Variants in TSC2 observed in about 807,000 individuals in gnomAD.
TSC2 encodes TSC complex subunit 2.
TSC2 carries 29 observed loss-of-function variants against 202.2 expected under a neutral mutation model. The observed-to-expected ratio is 0.14, with a 90% CI of 0.11 to 0.20. The LOEUF is 0.20. TSC2 is among the 10% of genes least tolerant of loss of function. The pLI is 1.00. For missense variants in TSC2, 2,429 were observed against 2,420.0 expected (o/e 1.00, Z -0.08); for synonymous variants, 1,349 against 1,044.0 (o/e 1.29, Z -5.63).
At chr16:2,083,275 G>A (rs1447641830) in intron 32 of TSC2, 7 of 459,848 alleles carry the variant, frequency 1.5e-5, no homozygotes, top group Non-Finnish European at 3.1e-5. Flanking sequence ...GCTCTTGGGA[G>A]CAGTCTGTTT....
At position 2,061,905 on chromosome 16, in the gene TSC2, A is replaced by G. The variant is rs757353933; in HGVS notation, c.1154A>G (p.His385Arg). Residue 385 changes from histidine (H) to arginine (R), a missense_variant, in exon 12 of 42, where the codon CAT (histidine) becomes CGT (arginine). By Grantham distance (29) the His-to-Arg change is conservative (BLOSUM62 0). Transcript: ENST00000219476. ...AGCCCGGAGCTCAGGACCATCGTCCATGACCTGTTGACCACGGTGGAGGAG... is the reference window on the plus strand; with the variant it reads ...AGCCCGGAGCTCAGGACCATCGTCCGTGACCTGTTGACCACGGTGGAGGAG... Reference protein sequence around the residue: ...LDSPELRTIVHDLLTTVEELC... With the variant: ...LDSPELRTIVRDLLTTVEELC... The G allele has an allele frequency of 5.6e-6, 9 of 1,614,218 alleles. No individual in the cohort carries two copies. Among genetic ancestry groups the G allele is most frequent in the Non-Finnish European group, 5.9e-6 (7 of 1,180,036 alleles).
chr16:2,050,599 T>A, intron 3 of TSC2, 113 bp downstream of exon 3: 52 of 151,692 alleles, frequency 3.4e-4, no homozygotes, highest in Non-Finnish European at 5.8e-4. Flanking sequence ...TGGTTTGCAC[T>A]TTTTTTTTTT....
At position 2,072,382 on chromosome 16, in the gene TSC2, G is replaced by T. The variant is rs773899141; in HGVS notation, c.2220+19G>T. 1.2e-6 allele frequency: 2 copies of T among 1,613,220 alleles called. No individual in the cohort carries two copies. Among genetic ancestry groups the T allele is most frequent in the Admixed American group, 1.7e-5 (1 of 60,020 alleles). On this transcript the variant is annotated intron_variant, in intron 20 of 41. Coordinates refer to ENST00000219476, the MANE Select transcript of TSC2 (RefSeq NM_000548.5). ...CTCCATGGTACCATGGCCGGCCTGG[G>T]GTTGGGGTGGGGGACCCAGTAGGGT...
At chr16:2,071,414 C>A in intron 17 of TSC2, 96 bp from the exon 18 acceptor site, 3 of 1,280,312 alleles carry the variant, frequency 2.3e-6, no homozygotes, top group Non-Finnish European at 3.3e-6. Flanking sequence ...TTTCTGAGTG[C>A]CTGTGGTGCT....
At chr16:2,085,095 C>T (rs2090600751) in intron 35 of TSC2, 69 bp downstream of exon 35, 1 of 1,606,772 alleles carries the variant, frequency 6.2e-7, no homozygotes, top group Non-Finnish European at 8.5e-7. Context: ...GGGGGCCCAG[C>T]TCTGCTGCTG....
chr16:2,052,879 A>G (rs751105730), intron 3 of TSC2, among the ~76,000 whole-genome samples: 1 of 152,136 alleles, frequency 6.6e-6, no homozygotes, highest in Admixed American at 6.5e-5. Flanking sequence ...GGGCAGGGGC[A>G]TGGGGTCGAG....
intron 33 of TSC2, 121 bp from the exon 34 acceptor site, chr16:2,084,107 C>A (rs994259804): frequency 1.0e-4 from 158 of 1,518,838 alleles, no homozygotes; most frequent in Non-Finnish European, 1.3e-4. Context: ...TAGCCTGGTG[C>A]TCGGGCTGGT....
intron 11 of TSC2, chr16:2,061,180 G>A (rs1271804516): frequency 5.5e-6 from 2 of 364,124 alleles, no homozygotes; most frequent in Non-Finnish European, 1.1e-5. Context: ...CGCATTAGTC[G>A]AGTCTGTTAA....
At chr16:2,087,482 A>AG in intron 38 of TSC2, among the ~76,000 whole-genome samples, 1 of 61,936 alleles carries the variant, frequency 1.6e-5, no homozygotes, top group South Asian at 6.4e-4. Context: ...CAAGACAACC[A>AG]GTTGGGGGGG....
At chr16:2,087,127 C>T (rs2090912709) in intron 38 of TSC2, 2 of 573,076 alleles carry the variant, frequency 3.5e-6, no homozygotes, top group Admixed American at 2.9e-5. Context: ...TGGGTGGGCA[C>T]AGTGTAGTTG....
chr16:2,086,930 G>A (rs138901730), intron 38 of TSC2, 59 bp downstream of exon 38: 50 of 1,548,288 alleles, frequency 3.2e-5, no homozygotes, highest in East Asian at 4.9e-5. Context: ...GCTGTGTCCC[G>A]GGTTGGTGGC....
intron 6 of TSC2, chr16:2,055,747 C>T (rs990950218): frequency 3.6e-5 from 18 of 501,892 alleles, no homozygotes; most frequent in African/African-American, 1.9e-4. Flanking sequence ...AAAAATTAGC[C>T]GGGCATGGTG....
rs960458417 is a variant in TSC2 at position 2,086,449 on chromosome 16, C to T, written c.4849+70C>T. The T allele has an allele frequency of 1.7e-5, 27 of 1,568,706 alleles. No homozygotes were observed. The Admixed American group carries it at 1.9e-4, about 11-fold the overall frequency. ...GCACGGCTCCCATCCAGTCCTGCTA[C>T]CCCACGCCCTGGGGCATGGCCCTGG... is the stretch of plus-strand genomic sequence containing the variant. On this transcript the variant is annotated intron_variant, in intron 37 of 41. Transcript: ENST00000219476.
Position 2,058,629 on chromosome 16 carries a change from C to A in TSC2, c.849-118C>A. 6.2e-6 allele frequency: 9 copies of A among 1,459,232 alleles called. No individual in the cohort carries two copies. The East Asian group carries it at 2.0e-4, about 32-fold the overall frequency. 90.4% of individuals were successfully genotyped at this position (1,459,232 alleles called of 1,614,324 possible). A position where few individuals can be genotyped will look rare whatever the true frequency, so the allele number is the denominator to read the frequency against. ...GCCCTTCCCCAGCGGTGCTCCTGCC[C>A]CCCCCAAGCACAGGGACCTCTGGGG... On this transcript the variant is annotated intron_variant, in intron 9 of 41. Coordinates refer to ENST00000219476, the MANE Select transcript of TSC2 (RefSeq NM_000548.5).
In TSC2 at chr16:2,088,625, C is replaced by T; in HGVS notation, c.*15C>T. ...AGTTTGTGTGAGGCCGGGGCCCTCC[C>T]TCCTGCACTGGCCTTGGACGGTATT... On this transcript the variant is annotated 3_prime_UTR_variant, in exon 42 of 42. Transcript: ENST00000219476. 3 of 1,598,220 alleles carry T rather than the reference C, an allele frequency of 1.9e-6. No homozygotes were observed. The highest frequency in any genetic ancestry group is 2.5e-6 in the Non-Finnish European group (3 of 1,178,626).
At chr16:2,052,538 G>T (rs1261644146) in intron 3 of TSC2, among the ~76,000 whole-genome samples, 1 of 152,118 alleles carries the variant, frequency 6.6e-6, no homozygotes, top group Non-Finnish European at 1.5e-5. Flanking sequence ...TGAAACTCCT[G>T]GGCTGACGTG....
intron 25 of TSC2, 181 bp downstream of exon 25, chr16:2,076,766 C>T (rs529302674): frequency 7.6e-6 from 5 of 655,380 alleles, no homozygotes; most frequent in Admixed American, 5.3e-5. Context: ...AGCAGGTTGG[C>T]CGTGGTGGCC....
At chr16:2,059,128 A>T (rs952307711) in intron 10 of TSC2, among the ~76,000 whole-genome samples, 3 of 147,994 alleles carry the variant, frequency 2.0e-5, no homozygotes, top group Non-Finnish European at 3.0e-5. Flanking sequence ...AAGTGATTCT[A>T]TTGCCTCAGA....
chr16:2,076,679 G>A (rs560512405), intron 25 of TSC2, 94 bp downstream of exon 25: 2 of 1,297,380 alleles, frequency 1.5e-6, no homozygotes, highest in African/African-American at 2.9e-5. Flanking sequence ...TCAGTGAGTG[G>A]AAATGGGTCC....
Sources: gnomAD v4.1 joint callset for allele counts (sites outside exome capture counted in the v4.1 genomes callset) on GRCh38, gnomAD v4.1.1 for gene constraint, MANE v1.5 for transcripts, NCBI Gene and HGNC (gene_info 2026-07-23, HGNC 2026-07-21) for gene names.